The following MGAM variants were observed in gnomAD, a reference collection of about 807,000 sequenced individuals.
The protein encoded by MGAM is maltase-glucoamylase.
A neutral mutation model predicts 358.8 loss-of-function variants in MGAM; 253 were observed. The ratio of observed to expected loss-of-function variants is 0.71; its 90% CI spans 0.64 to 0.78. The LOEUF (loss-of-function observed/expected upper bound fraction) is 0.78, where lower values mean the gene tolerates loss of function less well. MGAM is among the 30% of genes least tolerant of loss of function. The pLI is 0.00. For missense variants in MGAM, 3,080 were observed against 3,432.6 expected (o/e 0.90, Z 2.57); for synonymous variants, 1,105 against 1,227.1 (o/e 0.90, Z 2.08).
At chr7:142,080,186 G>A (rs1354680720) in intron 49 of MGAM, among the ~76,000 whole-genome samples, 4 of 146,562 alleles carry the variant, frequency 2.7e-5, no homozygotes, top group African/African-American at 9.7e-5. Context: ...CTTCTCTAGA[G>A]TCTCACAGCA....
Position 142,022,307 on chromosome 7 carries a change from G to C in MGAM, c.750G>C (p.Gln250His), listed in dbSNP as rs782014529. The change falls in exon 7 of 71, where the codon CAG becomes CAC. Residue 250 changes from glutamine to histidine, a missense_variant. By Grantham distance (24) the Gln-to-His change is conservative. Coordinates refer to ENST00000475668, the MANE Select transcript of MGAM (RefSeq NM_001365693.1). ...TTGGGCCCCTACTGTTTGCTGACCAGTTCTTGCAGCTCTCCACTCGACTGC... is the reference window on the plus strand; with the variant it reads ...TTGGGCCCCTACTGTTTGCTGACCACTTCTTGCAGCTCTCCACTCGACTGC... ...SSIGPLLFAD[Q>H]FLQLSTRLPS... The C allele has an allele frequency of 1.2e-5, 19 of 1,612,806 alleles. No homozygotes were observed. The highest frequency in any genetic ancestry group is 4.0e-5 in the African/African-American group (3 of 74,854).
intron 22 of MGAM, among the ~76,000 whole-genome samples, chr7:142,049,999 C>T (rs546068426): frequency 6.6e-6 from 1 of 152,214 alleles, no homozygotes; most frequent in East Asian, 1.9e-4. Flanking sequence ...GTCACTCCCA[C>T]GTTCATTACA....
In MGAM at chr7:142,065,344, G is replaced by A. The variant is rs780742115; in HGVS notation, c.4494G>A (p.Gln1498=). Residue 1498 remains glutamine, a synonymous_variant, in exon 38 of 71, where the codon CAG becomes CAA. Transcript: ENST00000475668. ...SQTRPTYEAV[Q]EVTGQRGVVI... ...GTTCCCTTCCAAGCAGAGCCGTGCA[G>A]GAGGTGACGGGACAGCGAGGGGTCG... The A allele has an allele frequency of 1.2e-6, 2 of 1,609,350 alleles. No individual in the cohort carries two copies. The highest frequency in any genetic ancestry group is 1.7e-6 in the Non-Finnish European group (2 of 1,178,282).
Position 142,078,056 on chromosome 7 carries a change from A to G in MGAM, c.5494-262A>G, listed in dbSNP as rs569564626. Among the ~76,000 whole-genome samples the G allele has an allele frequency of 2.0e-4, 29 of 145,546 alleles. 2 individuals are homozygous for G. The South Asian group carries it at 6.2e-3, about 31-fold the overall frequency. The stretch of plus-strand genomic sequence containing the variant: ...GAAAAGAATAAGGGGTGATCGCGAC[A>G]GGTTTTATTTGACCTAATTGTTTTC... On this transcript the variant is annotated intron_variant, in intron 47 of 70. Transcript: ENST00000475668.
At chr7:141,997,694 G>C (rs1487924671) in intron 1 of MGAM, among the ~76,000 whole-genome samples, 1 of 151,932 alleles carries the variant, frequency 6.6e-6, no homozygotes, top group Non-Finnish European at 1.5e-5. Context: ...AGACCCAGAG[G>C]GGTTAAGTGG....
At chr7:142,033,836 G>A (rs1807728393) in intron 14 of MGAM, among the ~76,000 whole-genome samples, 2 of 152,154 alleles carry the variant, frequency 1.3e-5, no homozygotes, top group Non-Finnish European at 2.9e-5. Context: ...TGGGAGCAGA[G>A]AGGAATAGAT....
At chr7:142,021,939 A>T (rs749577269) in intron 6 of MGAM, among the ~76,000 whole-genome samples, 1 of 150,792 alleles carries the variant, frequency 6.6e-6, no homozygotes, top group Non-Finnish European at 1.5e-5. Context: ...TTTTCTCTTT[A>T]TTTTTCCCTT....
intron 21 of MGAM, among the ~76,000 whole-genome samples, chr7:142,045,540 T>A (rs1168738305): frequency 1.9e-4 from 16 of 85,426 alleles, no homozygotes; most frequent in African/African-American, 7.5e-4. Context: ...TAATATATAT[T>A]ATATATACAT....
intron 3 of MGAM, among the ~76,000 whole-genome samples, chr7:142,011,119 G>A (rs1805561084): frequency 6.6e-6 from 1 of 152,176 alleles, no homozygotes; most frequent in South Asian, 2.1e-4. Flanking sequence ...TAATTAAGCT[G>A]AGAGAAATTC....
At position 142,047,768 on chromosome 7, in the gene MGAM, A is replaced by G; in HGVS notation, c.2499-17A>G. On this transcript the variant is annotated splice_polypyrimidine_tract_variant and intron_variant, in intron 21 of 70. Coordinates refer to ENST00000475668, the MANE Select transcript of MGAM (RefSeq NM_001365693.1). The stretch of plus-strand genomic sequence containing the variant: ...CTCTGACTCCTGTCTTTGTGTCTTG[A>G]ATCTTGTTCCCCACAGTCGAAAGAA... 6.2e-7 allele frequency: 1 copy of G among 1,603,332 alleles called. No homozygotes were observed. The highest frequency in any genetic ancestry group is 8.5e-7 in the Non-Finnish European group (1 of 1,170,548).
At chr7:142,064,629 A>C in intron 37 of MGAM, 107 bp downstream of exon 37, 1 of 1,409,172 alleles carries the variant, frequency 7.1e-7, no homozygotes, top group East Asian at 2.5e-5. Context: ...GATTAAGAAG[A>C]TTCTCATAAC....
At position 142,040,081 on chromosome 7, in the gene MGAM, T is replaced by A. The variant is rs1808362071; in HGVS notation, c.2317-34T>A. The A allele has an allele frequency of 2.0e-6, 3 of 1,517,658 alleles. No homozygotes were observed. In the East Asian group the frequency reaches 6.8e-5, roughly 34 times the overall value. 94.0% of individuals were successfully genotyped at this position (1,517,658 alleles called of 1,614,324 possible). A position where few individuals can be genotyped will look rare whatever the true frequency, so the allele number is the denominator to read the frequency against. On this transcript the variant is annotated intron_variant, in intron 19 of 70. Transcript: ENST00000475668. ...AGAATAAAAAGAAATCCATTTTATT[T>A]CCCTCAGGGGACACTACATTTTTTT...
chr7:142,092,733 G>A, intron 59 of MGAM, 125 bp downstream of exon 59: 1 of 923,594 alleles, frequency 1.1e-6, no homozygotes, highest in Non-Finnish European at 1.6e-6. Flanking sequence ...GTGGTTTACT[G>A]GGGACCAGAG....
chr7:142,027,144 A>T lies in MGAM; in HGVS notation c.1012A>T (p.Thr338Ser), dbSNP rs782495044. The change falls in exon 9 of 71, where the codon ACT becomes TCT. Residue 338 changes from threonine (T) to serine (S), a missense_variant. Physicochemically the swap from Thr to Ser is moderately conservative, Grantham distance 58 (BLOSUM62 1). Transcript: ENST00000475668. ...EVVLQPAPAITYRTIGGILDF... is the reference protein window; with the variant it reads ...EVVLQPAPAISYRTIGGILDF... ...TGTCCTTCAGCCTGCGCCAGCCATCACTTACCGCACCATTGGGGGCATTCT... is the reference window on the plus strand; with the variant it reads ...TGTCCTTCAGCCTGCGCCAGCCATCTCTTACCGCACCATTGGGGGCATTCT... 1.9e-6 allele frequency: 3 copies of T among 1,613,598 alleles called. No homozygotes were observed. In the Admixed American group the frequency reaches 5.0e-5, roughly 27 times the overall value.
chr7:141,999,690 T>A (rs1563098723), intron 1 of MGAM, among the ~76,000 whole-genome samples: 2 of 152,214 alleles, frequency 1.3e-5, no homozygotes, highest in South Asian at 4.1e-4. Context: ...TATAAAAAAA[T>A]AGTCAAAGAT....
intron 9 of MGAM, 29 bp downstream of exon 9, chr7:142,027,256 C>T: frequency 6.6e-7 from 1 of 1,513,358 alleles, no homozygotes; most frequent in South Asian, 1.1e-5. Flanking sequence ...GATTATGACT[C>T]AGGAAATCCT....
At chr7:142,090,589 C>T (rs1815289490) in intron 57 of MGAM, among the ~76,000 whole-genome samples, 1 of 145,838 alleles carries the variant, frequency 6.9e-6, no homozygotes, top group African/African-American at 2.4e-5. Context: ...CCTTTTCTTG[C>T]CCTTTATGTA....
chr7:142,105,936 T>G lies in MGAM; in HGVS notation c.*45T>G, dbSNP rs779453067. 1.2e-5 allele frequency: 16 copies of G among 1,379,064 alleles called. No homozygotes were observed. The highest frequency in any genetic ancestry group is 1.3e-5 in the Non-Finnish European group (13 of 967,778). The allele number at this position is 1,379,064 out of a possible 1,614,324, so 85.4% of individuals were successfully genotyped here. The stretch of plus-strand genomic sequence containing the variant: ...AACTAACTATGAATGACTTTGAAAC[T>G]ACTTATACTTCATACTCATAAAAAT... On this transcript the variant is annotated 3_prime_UTR_variant, in exon 71 of 71. Coordinates refer to ENST00000475668, the MANE Select transcript of MGAM (RefSeq NM_001365693.1).
rs768304137 is a variant in MGAM, at chr7:142,100,854, G to A, written c.7927G>A (p.Gly2643Arg). 3.3e-5 allele frequency: 54 copies of A among 1,613,214 alleles called. No homozygotes were observed. Among genetic ancestry groups the A allele is most frequent in the Non-Finnish European group, 4.4e-5 (52 of 1,179,676 alleles). Residue 2643 changes from glycine to arginine, a missense_variant, in exon 68 of 71, where the codon GGG (glycine) becomes AGG (arginine). Coordinates refer to ENST00000475668, the MANE Select transcript of MGAM (RefSeq NM_001365693.1). ...KIALDDEGTA[G>R]GWLFWDDGQS... Reference sequence around the variant, plus strand: ...TGCCTTGGATGATGAAGGAACTGCTGGGGGCTGGCTCTTCTGGGATGATGG... The same window carrying A: ...TGCCTTGGATGATGAAGGAACTGCTAGGGGCTGGCTCTTCTGGGATGATGG...
Sources: allele counts gnomAD v4.1 joint callset (sites outside exome capture counted in the v4.1 genomes callset), GRCh38; gene constraint gnomAD v4.1.1; transcripts MANE v1.5; gene names NCBI Gene and HGNC (gene_info 2026-07-23, HGNC 2026-07-21).